GRAMD1C: variants seen among roughly 807,000 people sequenced by gnomAD.
The protein encoded by GRAMD1C is GRAM domain containing 1C, also known as protein Aster-C.
In GRAMD1C, 89 loss-of-function variants were observed where a neutral mutation model predicts 97.8. The ratio of observed to expected loss-of-function variants is 0.91; its 90% CI spans 0.77 to 1.09. The LOEUF is 1.09. Ranked by LOEUF, GRAMD1C falls within the 50% of genes least tolerant of loss-of-function variation. The probability of loss-of-function intolerance (pLI) is 0.00; values close to 1 mark genes in which losing one functional copy is unlikely to be tolerated. For synonymous variants in GRAMD1C, 256 were observed against 267.0 expected, an observed-to-expected ratio of 0.96 and a Z score of 0.40; for missense variants, 740 against 766.4, an observed-to-expected ratio of 0.97 and a Z score of 0.41.
chr3:113,932,962 A>G (rs970468792), intron 11 of GRAMD1C, among the ~76,000 whole-genome samples: 2 of 150,904 alleles, frequency 1.3e-5, no homozygotes, highest in Non-Finnish European at 3.0e-5. Context: ...GCTCACTGCA[A>G]CCTCTGCCTC....
At chr3:113,869,632 T>C (rs887783687) in intron 3 of GRAMD1C, 41 bp downstream of exon 3, 9 of 837,770 alleles carry the variant, frequency 1.1e-5, no homozygotes, top group Non-Finnish European at 1.8e-5. Context: ...ATTACCTCAT[T>C]ATAAAAAGAA....
intron 7 of GRAMD1C, among the ~76,000 whole-genome samples, chr3:113,903,823 G>A (rs952434689): frequency 1.3e-5 from 2 of 151,806 alleles, no homozygotes; most frequent in African/African-American, 4.8e-5. Flanking sequence ...AAGCTTTGTG[G>A]TTGTACACAA....
At chr3:113,900,597 T>C (rs1331538986) in intron 6 of GRAMD1C, among the ~76,000 whole-genome samples, 1 of 143,834 alleles carries the variant, frequency 7.0e-6, no homozygotes, top group Non-Finnish European at 1.5e-5. Flanking sequence ...ATTTTTGTAT[T>C]TTTTTTTTTT....
intron 1 of GRAMD1C, among the ~76,000 whole-genome samples, chr3:113,843,053 T>A (rs1240163882): frequency 7.2e-6 from 1 of 139,188 alleles, no homozygotes; most frequent in African/African-American, 2.7e-5. Flanking sequence ...TAAGCTGTTT[T>A]TTTTTTTTTT....
chr3:113,838,882 C>G lies in GRAMD1C; in HGVS notation c.-28C>G. ...GCGGTGCGGTGCGGTGCGCGCGGGG[C>G]GGTGCCGCGGCGGCGGAGGGAGCCG... is the stretch of plus-strand genomic sequence containing the variant. On this transcript the variant is annotated 5_prime_UTR_variant, in exon 1 of 18. Coordinates refer to ENST00000358160, the MANE Select transcript of GRAMD1C (RefSeq NM_017577.5). 8.1e-7 allele frequency: 1 copy of G among 1,229,804 alleles called. No homozygotes were observed. Among genetic ancestry groups the G allele is most frequent in the Non-Finnish European group, 1.0e-6 (1 of 984,788 alleles). 76.2% of individuals were successfully genotyped at this position (1,229,804 alleles called of 1,614,324 possible).
chr3:113,865,926 T>C (rs567127238), intron 2 of GRAMD1C, among the ~76,000 whole-genome samples: 59 of 152,218 alleles, frequency 3.9e-4, no homozygotes, highest in Non-Finnish European at 7.5e-4. Flanking sequence ...CTAATTTTAT[T>C]CTGTGTTCAT....
At chr3:113,898,460 T>C (rs953817851) in intron 6 of GRAMD1C, among the ~76,000 whole-genome samples, 3 of 152,132 alleles carry the variant, frequency 2.0e-5, no homozygotes, top group Non-Finnish European at 2.9e-5. Context: ...TGAGTTATTA[T>C]TGTGAAAAAA....
intron 9 of GRAMD1C, among the ~76,000 whole-genome samples, chr3:113,912,251 T>C (rs1936630773): frequency 6.6e-6 from 1 of 152,172 alleles, no homozygotes; most frequent in African/African-American, 2.4e-5. Flanking sequence ...CACTGCATTA[T>C]ATATAATACC....
At chr3:113,844,721 A>G (rs998980239) in intron 2 of GRAMD1C, 72 bp downstream of exon 2, 3 of 1,067,848 alleles carry the variant, frequency 2.8e-6, no homozygotes, top group Admixed American at 2.7e-5. Context: ...GGAGTCATAT[A>G]GTATTTGTAA....
intron 2 of GRAMD1C, among the ~76,000 whole-genome samples, chr3:113,851,495 T>C (rs1209041824): frequency 6.6e-6 from 1 of 151,614 alleles, no homozygotes; most frequent in Non-Finnish European, 1.5e-5. Flanking sequence ...TGAATTTTTC[T>C]AGATAATAGT....
chr3:113,905,099 G>T (rs1344310305), intron 8 of GRAMD1C, among the ~76,000 whole-genome samples: 5 of 152,162 alleles, frequency 3.3e-5, no homozygotes, highest in Non-Finnish European at 7.3e-5. Context: ...CTCTCAAAGT[G>T]CTGGGATCAC....
chr3:113,897,444 C>T (rs895573481), intron 6 of GRAMD1C: 1 of 658,174 alleles, frequency 1.5e-6, no homozygotes, highest in African/African-American at 2.0e-5. Flanking sequence ...TACCTATCTT[C>T]TTCTTGTAGG....
At chr3:113,834,897 G>A (rs1363703486), upstream of GRAMD1C, among the ~76,000 whole-genome samples, 1 of 148,228 alleles carries the variant, frequency 6.7e-6, no homozygotes, top group Non-Finnish European at 1.5e-5. Context: ...CTGAGGTCGT[G>A]CCATTGCACT....
intron 1 of GRAMD1C, among the ~76,000 whole-genome samples, chr3:113,830,733 T>C (rs1354291495): frequency 2.0e-5 from 3 of 152,218 alleles, no homozygotes; most frequent in Non-Finnish European, 4.4e-5. Context: ...GACTGACACA[T>C]TGTTATGCAA....
At chr3:113,916,752 A>G (rs189210347) in intron 10 of GRAMD1C, among the ~76,000 whole-genome samples, 46 of 152,328 alleles carry the variant, frequency 3.0e-4, no homozygotes, top group Admixed American at 2.8e-3. Context: ...TTCAAAGAAA[A>G]TATATTTTTA....
At chr3:113,933,367 T>C (rs6438175) in intron 11 of GRAMD1C, 144 bp from the exon 12 acceptor site, 35,149 of 566,508 alleles carry the variant, frequency 0.062, 1,504 homozygotes, top group African/African-American at 0.16. Flanking sequence ...AGAGTCAGCA[T>C]GTAGGCTCTT....
At chr3:113,935,538 G>A (rs561570282) in intron 13 of GRAMD1C, among the ~76,000 whole-genome samples, 37 of 151,298 alleles carry the variant, frequency 2.4e-4, no homozygotes, top group Non-Finnish European at 4.1e-4. Flanking sequence ...GTATATATAC[G>A]TGTGTGTATA....
intron 17 of GRAMD1C, 69 bp downstream of exon 17, chr3:113,940,414 A>G: frequency 1.2e-6 from 1 of 868,242 alleles, no homozygotes; most frequent in South Asian, 1.5e-5. Context: ...TCTTCTGTGT[A>G]TGAGAGAATA....
At chr3:113,883,538 A>C (rs1422004686) in intron 6 of GRAMD1C, among the ~76,000 whole-genome samples, 3 of 152,062 alleles carry the variant, frequency 2.0e-5, no homozygotes, top group South Asian at 2.1e-4. Flanking sequence ...AAAAAAAAAA[A>C]AACAACCATG....
Sources: gnomAD v4.1 joint callset for allele counts (sites outside exome capture counted in the v4.1 genomes callset) on GRCh38, gnomAD v4.1.1 for gene constraint, MANE v1.5 for transcripts, NCBI Gene and HGNC (gene_info 2026-07-23, HGNC 2026-07-21) for gene names.